Variants in TBRG1 observed in about 807,000 individuals in gnomAD.
TBRG1 encodes nuclear interactor of ARF and MDM2.
TBRG1 carries 31 observed loss-of-function variants against 44.0 expected under a neutral mutation model. That is an observed-to-expected ratio of 0.70 (90% CI 0.53 to 0.95). TBRG1 has a LOEUF of 0.95. Among genes scored for constraint, TBRG1 ranks in the 40% least tolerant of loss-of-function variants. The pLI is 0.00. For synonymous variants in TBRG1, 171 were observed against 188.1 expected (o/e 0.91, Z 0.74); for missense variants, 487 against 496.1 (o/e 0.98, Z 0.18).
At position 124,633,402 on chromosome 11, in the gene TBRG1, C is replaced by G. The variant is rs1182338685; in HGVS notation, c.*1164C>G. ...CCTTAGTTACCCAGCAGCAGGTTAC[C>G]AAGGGCTGTCTGGAAAGGGAGGGAC... On this transcript the variant is annotated 3_prime_UTR_variant, in exon 9 of 9. Transcript: ENST00000441174. 1 of 152,256 alleles carries G rather than the reference C, an allele frequency of 6.6e-6. No individual in the cohort carries two copies. The highest frequency in any genetic ancestry group is 6.5e-5 in the Admixed American group (1 of 15,278). 9.4% of individuals were successfully genotyped at this position (152,256 alleles called of 1,614,324 possible). A position where few individuals can be genotyped will look rare whatever the true frequency, so the allele number is the denominator to read the frequency against.
chr11:124,630,240 A>C lies in TBRG1; in HGVS notation c.739-148A>C. 4.7e-6 allele frequency: 3 copies of C among 640,484 alleles called. No homozygotes were observed. The South Asian group carries it at 5.1e-5, about 11-fold the overall frequency. 39.7% of individuals were successfully genotyped at this position (640,484 alleles called of 1,614,324 possible). A position where few individuals can be genotyped will look rare whatever the true frequency, so the allele number is the denominator to read the frequency against. On this transcript the variant is annotated intron_variant, in intron 5 of 8. Coordinates refer to ENST00000441174, the MANE Select transcript of TBRG1 (RefSeq NM_032811.3). Reference sequence around the variant, plus strand: ...GGTACTTGGATTTGTTTCAATTTTTAGCAGCCCTATAGGAAAGTATGTGTG... The same window carrying C: ...GGTACTTGGATTTGTTTCAATTTTTCGCAGCCCTATAGGAAAGTATGTGTG...
rs61352898 is a variant in TBRG1, at chr11:124,624,363, C to CAAAAAAA, written c.151-554_151-548dup. Among the ~76,000 whole-genome samples the CAAAAAAA allele has an allele frequency of 1.3e-3, 110 of 82,266 alleles. 1 individual carries two copies. The highest frequency in any genetic ancestry group is 1.9e-3 in the East Asian group (5 of 2,612). The allele number at this position is 82,266 out of a possible 152,430, so 54.0% of individuals were successfully genotyped here. On this transcript the variant is annotated intron_variant, in intron 1 of 8. Coordinates refer to ENST00000441174, the MANE Select transcript of TBRG1 (RefSeq NM_032811.3). ...GGGAGATAGATTGAGTCATCATTTA[C>CAAAAAAA]AAAAAAAAAAAAAAAAAAAAGAAAA...
intron 7 of TBRG1, 100 bp downstream of exon 7, chr11:124,630,955 C>A: frequency 1.1e-6 from 1 of 913,372 alleles, no homozygotes; most frequent in Non-Finnish European, 1.7e-6. Context: ...GTGTCCAAAG[C>A]CTGCCTGCTT....
intron 4 of TBRG1, 66 bp from the exon 5 acceptor site, chr11:124,626,838 A>G: frequency 6.4e-7 from 1 of 1,564,920 alleles, no homozygotes; most frequent in South Asian, 1.2e-5. Flanking sequence ...AAAGGCTACC[A>G]CAGGAAACTG....
Position 124,622,878 on chromosome 11 carries a change from C to A in TBRG1, c.-206C>A. ...GGGAAGGGCTTACTTCCAAGACAGA[C>A]ACGGAAGTGCTGGGAGGCGCCGGGA... is the stretch of plus-strand genomic sequence containing the variant. On this transcript the variant is annotated 5_prime_UTR_variant, in exon 1 of 9. Coordinates refer to ENST00000441174, the MANE Select transcript of TBRG1 (RefSeq NM_032811.3). 3.6e-6 allele frequency: 2 copies of A among 560,882 alleles called. No individual in the cohort carries two copies. Among genetic ancestry groups the A allele is most frequent in the Admixed American group, 3.5e-5 (1 of 28,634 alleles). 34.7% of individuals were successfully genotyped at this position (560,882 alleles called of 1,614,324 possible).
Position 124,633,925 on chromosome 11 carries a change from T to C in TBRG1, c.*1687T>C, listed in dbSNP as rs1050327887. The C allele has an allele frequency of 1.3e-5, 2 of 152,214 alleles. No individual in the cohort carries two copies. The highest frequency in any genetic ancestry group is 2.9e-5 in the Non-Finnish European group (2 of 68,038). The allele number at this position is 152,214 out of a possible 1,614,324, so 9.4% of individuals were successfully genotyped here. A position where few individuals can be genotyped will look rare whatever the true frequency, so the allele number is the denominator to read the frequency against. ...TTTAAAATTTTTGGAACATACCACA[T>C]GTAGAAAGGTTGAACTGGTTTTTCA... is the stretch of plus-strand genomic sequence containing the variant. On this transcript the variant is annotated 3_prime_UTR_variant, in exon 9 of 9. Transcript: ENST00000441174.
At chr11:124,625,067 T>A in intron 2 of TBRG1, 66 bp downstream of exon 2, 1 of 1,150,636 alleles carries the variant, frequency 8.7e-7, no homozygotes, top group Non-Finnish European at 1.3e-6. Flanking sequence ...TTGATAATGG[T>A]GTTACTGCTC....
chr11:124,632,702 G>A lies in TBRG1; in HGVS notation c.*464G>A, dbSNP rs1942641446. 1 of 156,402 alleles carries A rather than the reference G, an allele frequency of 6.4e-6. No homozygotes were observed. Among genetic ancestry groups the A allele is most frequent in the Admixed American group, 6.4e-5 (1 of 15,690 alleles). The allele number at this position is 156,402 out of a possible 1,614,324, so 9.7% of individuals were successfully genotyped here. ...TCTTAGACAGCTGTCTTCCTGCAGTGTCCTCACGTGGTAGAAGAGGAAGGC... is the reference window on the plus strand; with the variant it reads ...TCTTAGACAGCTGTCTTCCTGCAGTATCCTCACGTGGTAGAAGAGGAAGGC... On this transcript the variant is annotated 3_prime_UTR_variant, in exon 9 of 9. Transcript: ENST00000441174.
chr11:124,628,650 A>G (rs1942539683), intron 5 of TBRG1, among the ~76,000 whole-genome samples: 1 of 152,184 alleles, frequency 6.6e-6, no homozygotes, highest in African/African-American at 2.4e-5. Context: ...TCATAGGCAC[A>G]TATCAGAGGG....
At chr11:124,631,945 G>A in intron 8 of TBRG1, 148 bp from the exon 9 acceptor site, 3 of 654,776 alleles carry the variant, frequency 4.6e-6, no homozygotes, top group South Asian at 1.9e-5. Flanking sequence ...CATTGTAAAA[G>A]TATCTGTCCT....
chr11:124,623,946 C>G (rs1236388982), intron 1 of TBRG1, among the ~76,000 whole-genome samples: 1 of 152,210 alleles, frequency 6.6e-6, no homozygotes, highest in Non-Finnish European at 1.5e-5. Flanking sequence ...CCCCCACATC[C>G]AAGTCAACAG....
At chr11:124,623,480 C>T (rs1018582729) in intron 1 of TBRG1, 4 of 582,038 alleles carry the variant, frequency 6.9e-6, no homozygotes, top group Non-Finnish European at 1.3e-5. Context: ...GTGCTTGGTG[C>T]GTAAAAGACA....
chr11:124,631,920 G>A (rs1942622890), intron 8 of TBRG1, 173 bp from the exon 9 acceptor site: 1 of 598,680 alleles, frequency 1.7e-6, no homozygotes. Context: ...GTCACTTAAT[G>A]TTTCAACCAG....
chr11:124,632,353 T>C lies in TBRG1; in HGVS notation c.*115T>C. On this transcript the variant is annotated 3_prime_UTR_variant, in exon 9 of 9. Transcript: ENST00000441174. ...AGAAGTAAAGAAGATACTAACGTATTTCATCATGGAAGGTCCTGTGGTGAT... is the reference window on the plus strand; with the variant it reads ...AGAAGTAAAGAAGATACTAACGTATCTCATCATGGAAGGTCCTGTGGTGAT... 1 of 856,128 alleles carries C rather than the reference T, an allele frequency of 1.2e-6. No homozygotes were observed. The highest frequency in any genetic ancestry group is 1.8e-6 in the Non-Finnish European group (1 of 552,142). 53.0% of individuals were successfully genotyped at this position (856,128 alleles called of 1,614,324 possible).
intron 5 of TBRG1, among the ~76,000 whole-genome samples, chr11:124,627,804 A>T (rs1296630230): frequency 2.6e-5 from 4 of 152,038 alleles, no homozygotes; most frequent in Admixed American, 2.0e-4. Context: ...CTTTAGAAAG[A>T]CTCATTATTG....
At position 124,625,865 on chromosome 11, in the gene TBRG1, A is replaced by C; in HGVS notation, c.416A>C (p.Glu139Ala). The C allele has an allele frequency of 6.3e-7, 1 of 1,577,034 alleles. No homozygotes were observed. The highest frequency in any genetic ancestry group is 8.6e-7 in the Non-Finnish European group (1 of 1,163,824). ...EEPFGKKTKK[E>A]KKEKGKENNK... is the part of the protein sequence containing the mutation. The stretch of plus-strand genomic sequence containing the variant: ...CCATTTGGGAAGAAAACTAAGAAGG[A>C]GAAAAAAGAAAAAGGCAAAGAGAAC... The change falls in exon 3 of 9, where the codon GAG (glutamate) becomes GCG (alanine). Residue 139 changes from glutamate to alanine, a missense_variant. Transcript: ENST00000441174.
At chr11:124,624,363 C>CA (rs61352898) in intron 1 of TBRG1, among the ~76,000 whole-genome samples, 13,428 of 83,724 alleles carry the variant, frequency 0.16, 1,078 homozygotes, top group Non-Finnish European at 0.2. Flanking sequence ...TCATCATTTA[C>CA]AAAAAAAAAA....
intron 1 of TBRG1, chr11:124,623,476 G>A: frequency 1.6e-6 from 1 of 606,966 alleles, no homozygotes; most frequent in Non-Finnish European, 3.0e-6. Context: ...AAAAGTGCTT[G>A]GTGCGTAAAA....
intron 2 of TBRG1, among the ~76,000 whole-genome samples, chr11:124,625,309 A>G (rs1226659898): frequency 6.6e-6 from 1 of 152,270 alleles, no homozygotes; most frequent in Non-Finnish European, 1.5e-5. Flanking sequence ...ATAAAAGCCA[A>G]GTGATAAAAG....
Sources: allele counts gnomAD v4.1 joint callset (sites outside exome capture counted in the v4.1 genomes callset), GRCh38; gene constraint gnomAD v4.1.1; transcripts MANE v1.5; gene names NCBI Gene and HGNC (gene_info 2026-07-23, HGNC 2026-07-21).